The following SIL1 variants were observed in gnomAD, a reference collection of about 807,000 sequenced individuals.
The protein encoded by SIL1 is nucleotide exchange factor SIL1.
A neutral mutation model predicts 49.1 loss-of-function variants in SIL1; 40 were observed. The ratio of observed to expected loss-of-function variants is 0.81; its 90% CI spans 0.63 to 1.06. SIL1 has a LOEUF of 1.06. SIL1 is among the 50% of genes least tolerant of loss of function. The probability of loss-of-function intolerance (pLI) is 0.00; values close to 1 mark genes in which losing one functional copy is unlikely to be tolerated. For synonymous variants in SIL1, 253 were observed against 250.8 expected, an observed-to-expected ratio of 1.01 and a Z score of -0.08; for missense variants, 500 against 572.6, an observed-to-expected ratio of 0.87 and a Z score of 1.29.
chr5:139,126,023 C>A (rs947986903), intron 2 of SIL1, among the ~76,000 whole-genome samples: 12 of 152,212 alleles, frequency 7.9e-5, no homozygotes, highest in African/African-American at 2.9e-4. Flanking sequence ...GAGCACTTAC[C>A]TGGACTCCAG....
chr5:139,011,098 T>TGCTA (rs1238714637), intron 7 of SIL1, among the ~76,000 whole-genome samples: 3 of 151,124 alleles, frequency 2.0e-5, no homozygotes, highest in African/African-American at 7.3e-5. Context: ...CAGACTGCTG[T>TGCTA]GCTAGCAATC....
chr5:139,038,234 T>C (rs1276011913), intron 5 of SIL1, among the ~76,000 whole-genome samples: 1 of 152,224 alleles, frequency 6.6e-6, no homozygotes, highest in Non-Finnish European at 1.5e-5. Flanking sequence ...ATTCAAGTTG[T>C]GATTGTCCTG....
intron 1 of SIL1, among the ~76,000 whole-genome samples, chr5:139,141,963 A>T (rs751022487): frequency 6.6e-6 from 1 of 152,162 alleles, no homozygotes; most frequent in Non-Finnish European, 1.5e-5. Flanking sequence ...CAGACCATAC[A>T]CTCATCAGCC....
intron 7 of SIL1, among the ~76,000 whole-genome samples, chr5:139,017,380 A>C (rs1376949485): frequency 6.6e-6 from 1 of 152,208 alleles, no homozygotes; most frequent in East Asian, 1.9e-4. Flanking sequence ...GTAAAAGTAC[A>C]TAATCTCACC....
intron 3 of SIL1, among the ~76,000 whole-genome samples, chr5:139,052,938 T>C (rs1769325858): frequency 6.6e-6 from 1 of 152,154 alleles, no homozygotes; most frequent in Non-Finnish European, 1.5e-5. Context: ...CCTGGGTTCA[T>C]ATTCCTAGGA....
At chr5:139,040,697 C>T (rs1769029166) in intron 5 of SIL1, among the ~76,000 whole-genome samples, 1 of 151,728 alleles carries the variant, frequency 6.6e-6, no homozygotes, top group Admixed American at 6.6e-5. Context: ...CGGGGTTTCA[C>T]CATGTTGGCC....
intron 3 of SIL1, among the ~76,000 whole-genome samples, chr5:139,078,604 C>A (rs1455647178): frequency 6.6e-6 from 1 of 152,194 alleles, no homozygotes; most frequent in African/African-American, 2.4e-5. Context: ...CTTCTCTGCT[C>A]GGCCTCACAA....
rs528676197 is a variant in SIL1 at position 138,952,349 on chromosome 5, C to T, written c.768-465G>A. The stretch of plus-strand genomic sequence containing the variant: ...GGGTCTGGTGCCCCAAGGCCAGGGC[C>T]CCATCCCTCTCCTCTCCTGGGTCGG... On this transcript the variant is annotated intron_variant, in intron 7 of 9. Transcript: ENST00000394817. 2.0e-5 allele frequency among the ~76,000 whole-genome samples: 3 copies of T among 152,342 alleles called. No homozygotes were observed. In the South Asian group the frequency reaches 6.2e-4, roughly 32 times the overall value.
intron 5 of SIL1, among the ~76,000 whole-genome samples, chr5:139,037,445 T>C (rs1479727416): frequency 6.6e-6 from 1 of 152,230 alleles, no homozygotes. Context: ...CCATATTCTT[T>C]CTACTCTCCA....
chr5:139,166,198 G>T (rs1305555707), intron 1 of SIL1, among the ~76,000 whole-genome samples: 4 of 152,222 alleles, frequency 2.6e-5, no homozygotes, highest in African/African-American at 9.6e-5. Context: ...TGCACTGACA[G>T]AATTTGTCTG....
intron 3 of SIL1, among the ~76,000 whole-genome samples, chr5:139,056,655 G>GC (rs1384893270): frequency 7.0e-6 from 1 of 143,834 alleles, no homozygotes; most frequent in Non-Finnish European, 1.5e-5. Flanking sequence ...GGGGGGGTCA[G>GC]CCCCCCGCCT....
At chr5:139,112,127 G>C (rs974895161) in intron 3 of SIL1, among the ~76,000 whole-genome samples, 2 of 152,222 alleles carry the variant, frequency 1.3e-5, no homozygotes, top group Non-Finnish European at 2.9e-5. Flanking sequence ...GATTGCAGAC[G>C]GAGTCTAGTT....
intron 5 of SIL1, chr5:139,035,535 A>G (rs1768884971): frequency 1.9e-6 from 1 of 517,556 alleles, no homozygotes; most frequent in South Asian, 1.5e-5. Flanking sequence ...TTTCGGAGAC[A>G]GACCCAGGGG....
intron 5 of SIL1, among the ~76,000 whole-genome samples, chr5:139,039,580 A>T (rs1768994004): frequency 6.6e-6 from 1 of 152,182 alleles, no homozygotes; most frequent in African/African-American, 2.4e-5. Flanking sequence ...AAATCCAAGG[A>T]ACTCACTGAT....
intron 7 of SIL1, among the ~76,000 whole-genome samples, chr5:138,952,941 A>G (rs932218005): frequency 1.3e-5 from 2 of 152,266 alleles, no homozygotes; most frequent in Non-Finnish European, 2.9e-5. Context: ...CCAGATAGTC[A>G]GGCCCTTGGG....
intron 3 of SIL1, among the ~76,000 whole-genome samples, chr5:139,091,996 G>A (rs1770353192): frequency 6.6e-6 from 1 of 152,194 alleles, no homozygotes; most frequent in Non-Finnish European, 1.5e-5. Flanking sequence ...TAGTTTGGCT[G>A]AAACAGCAGA....
chr5:139,079,551 G>A (rs903127452), intron 3 of SIL1, among the ~76,000 whole-genome samples: 2 of 152,212 alleles, frequency 1.3e-5, no homozygotes, highest in African/African-American at 4.8e-5. Context: ...AGTACAGAAT[G>A]TGCTGCCCTC....
At chr5:139,106,684 A>G (rs1346097795) in intron 3 of SIL1, among the ~76,000 whole-genome samples, 1 of 152,180 alleles carries the variant, frequency 6.6e-6, no homozygotes, top group Non-Finnish European at 1.5e-5. Flanking sequence ...TAAAAACTCC[A>G]AGACTCACAT....
At chr5:139,014,074 G>A (rs1768343536) in intron 7 of SIL1, 2 of 152,106 alleles carry the variant, frequency 1.3e-5, no homozygotes, top group Non-Finnish European at 2.9e-5. Flanking sequence ...TGAAAGAACT[G>A]GCTTACAACA....
Sources: gnomAD v4.1 joint callset for allele counts (sites outside exome capture counted in the v4.1 genomes callset) on GRCh38, gnomAD v4.1.1 for gene constraint, MANE v1.5 for transcripts, NCBI Gene and HGNC (gene_info 2026-07-23, HGNC 2026-07-21) for gene names.